Variants in RAB27B observed in about 807,000 individuals in gnomAD.
The protein encoded by RAB27B is ras-related protein Rab-27B.
In RAB27B, 15 loss-of-function variants were observed where a neutral mutation model predicts 24.6. The observed-to-expected ratio is 0.61, with a 90% CI of 0.41 to 0.94. The LOEUF (loss-of-function observed/expected upper bound fraction) is 0.94. Among genes scored for constraint, RAB27B ranks in the 40% least tolerant of loss-of-function variants. RAB27B has a pLI of 0.00. For synonymous variants in RAB27B, 105 were observed against 92.5 expected, an observed-to-expected ratio of 1.14 and a Z score of -0.78; for missense variants, 261 against 266.8, an observed-to-expected ratio of 0.98 and a Z score of 0.15.
intron 2 of RAB27B, among the ~76,000 whole-genome samples, chr18:54,732,175 G>T (rs1909751876): frequency 2.0e-5 from 3 of 152,120 alleles, no homozygotes; most frequent in African/African-American, 7.2e-5. Context: ...AGAACAAATG[G>T]CTCAATAAAA....
chr18:54,753,407 AT>A (rs1477187871), intron 2 of RAB27B, among the ~76,000 whole-genome samples: 1 of 152,130 alleles, frequency 6.6e-6, no homozygotes, highest in African/African-American at 2.4e-5. Flanking sequence ...TGGGCAAGTT[AT>A]TCTAATTCCT....
chr18:54,800,433 A>G (rs533131512), intron 2 of RAB27B, among the ~76,000 whole-genome samples: 9 of 152,202 alleles, frequency 5.9e-5, no homozygotes, highest in Non-Finnish European at 1.3e-4. Context: ...GGATTGCATT[A>G]GTGGTGCTCT....
intron 1 of RAB27B, among the ~76,000 whole-genome samples, chr18:54,862,467 A>G (rs1167937527): frequency 1.3e-5 from 2 of 152,160 alleles, no homozygotes; most frequent in Non-Finnish European, 2.9e-5. Flanking sequence ...TTCTTGACCA[A>G]TGGGTTTTCT....
Position 54,855,512 on chromosome 18 carries a change from G to A in RAB27B, c.-19-22055G>A, listed in dbSNP as rs145377050. On this transcript the variant is annotated intron_variant, in intron 1 of 5. Transcript: ENST00000262094. ...AGCCTTGGATACAAGATAGAAGTAA[G>A]CATTTGAGCCAATGATTCTCTTGAG... 4.1e-4 allele frequency among the ~76,000 whole-genome samples: 63 copies of A among 152,308 alleles called. 2 individuals carry two copies. The East Asian group carries it at 0.012, about 28-fold the overall frequency.
intron 2 of RAB27B, among the ~76,000 whole-genome samples, chr18:54,774,641 CA>C (rs1908659083): frequency 6.6e-6 from 1 of 152,216 alleles, no homozygotes; most frequent in Non-Finnish European, 1.5e-5. Context: ...CTTTCATAAA[CA>C]CATTCCTTTT....
chr18:54,739,629 C>A (rs1334104833), intron 2 of RAB27B, among the ~76,000 whole-genome samples: 2 of 145,902 alleles, frequency 1.4e-5, no homozygotes, highest in African/African-American at 5.1e-5. Context: ...ATTTTTATTT[C>A]TCTTGGTGAA....
At chr18:54,723,789 T>C (rs1223666937) in intron 2 of RAB27B, among the ~76,000 whole-genome samples, 2 of 152,200 alleles carry the variant, frequency 1.3e-5, no homozygotes, top group African/African-American at 4.8e-5. Flanking sequence ...GTCAATTGAG[T>C]ACTTATTTAA....
intron 2 of RAB27B, among the ~76,000 whole-genome samples, chr18:54,732,283 G>A (rs1357657479): frequency 4.6e-5 from 7 of 152,126 alleles, no homozygotes; most frequent in African/African-American, 1.7e-4. Flanking sequence ...GTGTATTCCA[G>A]GTCTGAGTTC....
At chr18:54,816,120 T>C (rs1213464086) in intron 2 of RAB27B, among the ~76,000 whole-genome samples, 1 of 152,222 alleles carries the variant, frequency 6.6e-6, no homozygotes, top group Non-Finnish European at 1.5e-5. Flanking sequence ...TAAGTGTGAG[T>C]AGCAAGTCTT....
chr18:54,770,100 C>T (rs1908494852), intron 2 of RAB27B, among the ~76,000 whole-genome samples: 1 of 152,152 alleles, frequency 6.6e-6, no homozygotes, highest in Non-Finnish European at 1.5e-5. Context: ...CTACCTTGGC[C>T]TCCCAAAGTT....
chr18:54,749,860 T>A (rs939239352), intron 2 of RAB27B, among the ~76,000 whole-genome samples: 2 of 152,178 alleles, frequency 1.3e-5, no homozygotes, highest in Non-Finnish European at 1.5e-5. Context: ...GCTCTAATAA[T>A]GTTAGCTGTG....
chr18:54,872,531 A>G (rs1409961324), intron 1 of RAB27B, among the ~76,000 whole-genome samples: 1 of 143,020 alleles, frequency 7.0e-6, no homozygotes, highest in Non-Finnish European at 1.5e-5. Flanking sequence ...AGGCTGAGAC[A>G]GGAGAATGGC....
intron 2 of RAB27B, among the ~76,000 whole-genome samples, chr18:54,764,339 T>G: frequency 6.6e-6 from 1 of 152,320 alleles, no homozygotes; most frequent in Non-Finnish European, 1.5e-5. Flanking sequence ...GACCAGACTT[T>G]GTAATTCAAT....
chr18:54,866,985 C>T (rs139728710), intron 1 of RAB27B, among the ~76,000 whole-genome samples: 1 of 152,034 alleles, frequency 6.6e-6, no homozygotes, highest in African/African-American at 2.4e-5. Context: ...AATGAAGAGT[C>T]AGAGAACAAA....
intron 2 of RAB27B, among the ~76,000 whole-genome samples, chr18:54,814,326 A>G (rs530287517): frequency 1.2e-4 from 19 of 152,332 alleles, no homozygotes; most frequent in South Asian, 8.3e-4. Flanking sequence ...AAACTATTCT[A>G]TTTTTAAAAC....
chr18:54,874,714 G>C (rs1401916726), intron 1 of RAB27B, among the ~76,000 whole-genome samples: 9 of 152,140 alleles, frequency 5.9e-5, no homozygotes. Context: ...AAAAATTAAG[G>C]CTTTTGCCTA....
intron 1 of RAB27B, among the ~76,000 whole-genome samples, chr18:54,859,501 A>G (rs1212244322): frequency 6.7e-6 from 1 of 148,952 alleles, no homozygotes; most frequent in Non-Finnish European, 1.5e-5. Context: ...AAAAAAAAAA[A>G]TCACCTATTC....
intron 2 of RAB27B, among the ~76,000 whole-genome samples, chr18:54,731,772 A>G (rs1224287308): frequency 6.6e-6 from 1 of 152,220 alleles, no homozygotes; most frequent in Admixed American, 6.5e-5. Flanking sequence ...CTAGGTTCCA[A>G]CACAAAGCAA....
intron 1 of RAB27B, among the ~76,000 whole-genome samples, chr18:54,858,043 C>T (rs1048371396): frequency 6.6e-6 from 1 of 152,144 alleles, no homozygotes; most frequent in Admixed American, 6.5e-5. Flanking sequence ...TAGTCCCAAC[C>T]TTTGCTTGAT....
Sources: gnomAD v4.1 joint callset for allele counts (sites outside exome capture counted in the v4.1 genomes callset) on GRCh38, gnomAD v4.1.1 for gene constraint, MANE v1.5 for transcripts, NCBI Gene and HGNC (gene_info 2026-07-23, HGNC 2026-07-21) for gene names.